ESR2: variants seen among roughly 807,000 people sequenced by gnomAD.
The protein encoded by ESR2 is estrogen receptor beta.
ESR2 carries 36 observed loss-of-function variants against 49.6 expected under a neutral mutation model. The ratio of observed to expected loss-of-function variants is 0.73; its 90% CI spans 0.56 to 0.96. The LOEUF (loss-of-function observed/expected upper bound fraction) is 0.96, where lower values mean the gene tolerates loss of function less well. Ranked by LOEUF, ESR2 falls within the 40% of genes least tolerant of loss-of-function variation. ESR2 has a pLI of 0.00. For synonymous variants in ESR2, 320 were observed against 266.1 expected, an observed-to-expected ratio of 1.20 and a Z score of -1.97; for missense variants, 714 against 693.0, an observed-to-expected ratio of 1.03 and a Z score of -0.34.
intron 7 of ESR2, among the ~76,000 whole-genome samples, chr14:64,246,115 G>T (rs1328977236): frequency 6.6e-6 from 1 of 152,174 alleles, no homozygotes; most frequent in African/African-American, 2.4e-5. Context: ...GGCCAAGGTG[G>T]GCAGATCACT....
chr14:64,326,710 G>A (rs1239543215), intron 1 of ESR2, among the ~76,000 whole-genome samples: 1 of 152,086 alleles, frequency 6.6e-6, no homozygotes, highest in Non-Finnish European at 1.5e-5. Flanking sequence ...TTTGTCATCA[G>A]CAGGAATTGC....
At chr14:64,265,761 C>A (rs2076317298) in intron 4 of ESR2, among the ~76,000 whole-genome samples, 1 of 152,074 alleles carries the variant, frequency 6.6e-6, no homozygotes, top group South Asian at 2.1e-4. Context: ...ATCCATACTT[C>A]AGTAGAAAAG....
chr14:64,258,184 G>A (rs980772601), intron 5 of ESR2, among the ~76,000 whole-genome samples: 6 of 151,388 alleles, frequency 4.0e-5, no homozygotes, highest in Non-Finnish European at 5.9e-5. Flanking sequence ...ACTCCAGCCT[G>A]GGCAACAGAG....
chr14:64,289,371 G>C (rs3783734), intron 1 of ESR2, among the ~76,000 whole-genome samples: 2,419 of 152,098 alleles, frequency 0.016, 70 homozygotes, highest in East Asian at 0.087. Flanking sequence ...AATTAGCCGG[G>C]CATGGTGGCA....
intron 7 of ESR2, among the ~76,000 whole-genome samples, chr14:64,240,863 G>A (rs1172975930): frequency 2.6e-5 from 4 of 152,064 alleles, no homozygotes; most frequent in Non-Finnish European, 4.4e-5. Flanking sequence ...AGGCTAGGCT[G>A]GCCGGGCGCG....
chr14:64,281,614 C>T (rs1220618606), intron 2 of ESR2, among the ~76,000 whole-genome samples: 1 of 151,844 alleles, frequency 6.6e-6, no homozygotes, highest in African/African-American at 2.4e-5. Flanking sequence ...TCCAACATGC[C>T]CTTAGTACTT....
chr14:64,227,460 A>T, downstream of ESR2: 2 of 1,517,598 alleles, frequency 1.3e-6, no homozygotes, highest in Admixed American at 3.7e-5. Flanking sequence ...ATGGATTACA[A>T]TGATCCCAGA....
intron 1 of ESR2, among the ~76,000 whole-genome samples, chr14:64,288,348 CT>C (rs10560135): frequency 0.061 from 8,047 of 131,208 alleles, 391 homozygotes; most frequent in East Asian, 0.33. Context: ...AAAGACTACA[CT>C]TTTTTTTTTT....
chr14:64,296,892 CCA>C (rs1283750769), upstream of ESR2, among the ~76,000 whole-genome samples: 1 of 152,096 alleles, frequency 6.6e-6, no homozygotes, highest in Non-Finnish European at 1.5e-5. Flanking sequence ...ACAATGGTAC[CCA>C]GAGATGGAAA....
At chr14:64,327,058 C>G (rs936826823) in intron 1 of ESR2, among the ~76,000 whole-genome samples, 1 of 152,154 alleles carries the variant, frequency 6.6e-6, no homozygotes, top group African/African-American at 2.4e-5. Flanking sequence ...TGAAAATATT[C>G]ATGGTTCCTT....
chr14:64,308,075 C>T (rs2077132004), intron 1 of ESR2, among the ~76,000 whole-genome samples: 1 of 151,996 alleles, frequency 6.6e-6, no homozygotes, highest in South Asian at 2.1e-4. Context: ...AGTGCAGTGG[C>T]ATGAACATGC....
At position 64,228,672 on chromosome 14, in the gene ESR2, A is replaced by G. The variant is rs79198840; in HGVS notation, c.*4465T>C. Among the ~76,000 whole-genome samples the G allele has an allele frequency of 0.027, 4,080 of 152,368 alleles. 91 individuals carry two copies. Among genetic ancestry groups the G allele is most frequent in the Non-Finnish European group, 0.038 (2,553 of 68,040 alleles). On this transcript the variant is annotated 3_prime_UTR_variant, in exon 9 of 9. Coordinates refer to ENST00000341099, the MANE Select transcript of ESR2 (RefSeq NM_001437.3). The stretch of plus-strand genomic sequence containing the variant: ...AAACAAATGCAAAAACATCCATTGT[A>G]CAGTTAACAGGAACTGTTCGCGGCT...
At chr14:64,324,913 G>T (rs117171778) in intron 1 of ESR2, among the ~76,000 whole-genome samples, 2,968 of 152,200 alleles carry the variant, frequency 0.02, 48 homozygotes, top group Admixed American at 0.043. Context: ...AGAGATCAGA[G>T]GTTAAAAAAT....
chr14:64,289,426 C>T lies in ESR2; in HGVS notation c.-91+4607G>A, dbSNP rs150016004. On this transcript the variant is annotated intron_variant, in intron 1 of 8. Transcript: ENST00000341099. ...ACTCGGGAGGATGAGGCAGGACAAT[C>T]GCTTGAACCTGGGAGGTGGAGGTTG... 8.9e-3 allele frequency among the ~76,000 whole-genome samples: 1,350 copies of T among 151,972 alleles called. 11 individuals carry two copies. Among genetic ancestry groups the T allele is most frequent in the Middle Eastern group, 0.024 (7 of 294 alleles).
intron 4 of ESR2, among the ~76,000 whole-genome samples, chr14:64,268,456 CACAG>C (rs760613053): frequency 3.3e-5 from 5 of 152,162 alleles, no homozygotes; most frequent in Non-Finnish European, 7.3e-5. Flanking sequence ...TTTTCAAGAT[CACAG>C]ACAGACGGCC....
At chr14:64,241,398 C>T (rs368191893) in intron 7 of ESR2, among the ~76,000 whole-genome samples, 1 of 152,070 alleles carries the variant, frequency 6.6e-6, no homozygotes, top group South Asian at 2.1e-4. Flanking sequence ...GTAAGTCCTC[C>T]CAGTTTGTTC....
Position 64,273,264 on chromosome 14 carries a change from G to A in ESR2, c.536-4353C>T, listed in dbSNP as rs548458823. ...CAAATATAAGATCATCAGCAAACTA[G>A]GATAATTAGACTTCTTCCTTTCCAA... On this transcript the variant is annotated intron_variant, in intron 3 of 8. Coordinates refer to ENST00000341099, the MANE Select transcript of ESR2 (RefSeq NM_001437.3). Among the ~76,000 whole-genome samples the A allele has an allele frequency of 6.5e-4, 99 of 152,116 alleles. 1 individual carries two copies. The South Asian group carries it at 0.01, about 16-fold the overall frequency.
intron 1 of ESR2, among the ~76,000 whole-genome samples, chr14:64,313,836 G>A (rs72722337): frequency 0.057 from 8,406 of 147,424 alleles, 345 homozygotes; most frequent in Non-Finnish European, 0.082. Flanking sequence ...TGGAGATCTC[G>A]CCACTTCACT....
intron 1 of ESR2, among the ~76,000 whole-genome samples, chr14:64,334,606 A>C (rs1385959351): frequency 2.0e-5 from 3 of 152,252 alleles, no homozygotes; most frequent in African/African-American, 7.2e-5. Flanking sequence ...GAAGAGGAGA[A>C]TTAGCCACCA....
Sources: gnomAD v4.1 joint callset for allele counts (sites outside exome capture counted in the v4.1 genomes callset) on GRCh38, gnomAD v4.1.1 for gene constraint, MANE v1.5 for transcripts, NCBI Gene and HGNC (gene_info 2026-07-23, HGNC 2026-07-21) for gene names.